BMERB1: variants seen among roughly 807,000 people sequenced by gnomAD.
BMERB1 encodes bMERB domain containing 1.
BMERB1 carries 12 observed loss-of-function variants against 23.6 expected under a neutral mutation model. The ratio of observed to expected loss-of-function variants is 0.51; its 90% confidence interval spans 0.33 to 0.82. The LOEUF (loss-of-function observed/expected upper bound fraction) is 0.82, where lower values mean the gene tolerates loss of function less well. Ranked by LOEUF, BMERB1 falls within the 40% of genes least tolerant of loss-of-function variation. The probability of loss-of-function intolerance (pLI) is 0.03; values close to 1 mark genes in which losing one functional copy is unlikely to be tolerated. For missense variants in BMERB1, 247 were observed against 255.4 expected (o/e 0.97, Z 0.22); for synonymous variants, 122 against 96.6 (o/e 1.26, Z -1.54).
chr16:15,519,074 TACACACACAC>T (rs145892599), intron 2 of BMERB1, among the ~76,000 whole-genome samples: 40 of 140,510 alleles, frequency 2.8e-4, no homozygotes, highest in African/African-American at 9.9e-4. Flanking sequence ...ACAATCCTCT[TACACACACAC>T]ACACACACAC....
intron 1 of BMERB1, among the ~76,000 whole-genome samples, chr16:15,487,677 C>T (rs910864605): frequency 6.6e-6 from 1 of 152,182 alleles, no homozygotes; most frequent in Non-Finnish European, 1.5e-5. Flanking sequence ...ACTCATAATG[C>T]TTAACAGTTT....
chr16:15,532,452 A>G (rs1240119901), intron 2 of BMERB1, among the ~76,000 whole-genome samples: 2 of 138,802 alleles, frequency 1.4e-5, no homozygotes, highest in East Asian at 2.1e-4. Flanking sequence ...CTGGTCTTGA[A>G]CTCCTGACCT....
intron 1 of BMERB1, among the ~76,000 whole-genome samples, chr16:15,439,616 T>G (rs908360045): frequency 2.0e-5 from 3 of 152,214 alleles, no homozygotes; most frequent in African/African-American, 7.2e-5. Context: ...TAGTATTTTC[T>G]CCTTTGAGAA....
rs189960596 is a variant in BMERB1, at chr16:15,488,593, G to A, written c.107-26712G>A. ...CCACATCTGTAATCCCAGCACTTTG[G>A]GAGGCCGAGGCGGGTGGATCACGAG... On this transcript the variant is annotated intron_variant, in intron 1 of 5. Transcript: ENST00000300006. Among the ~76,000 whole-genome samples the A allele has an allele frequency of 5.9e-5, 9 of 151,880 alleles. No homozygotes were observed. The East Asian group carries it at 1.7e-3, about 29-fold the overall frequency.
intron 1 of BMERB1, among the ~76,000 whole-genome samples, chr16:15,464,299 T>G (rs1598452952): frequency 7.7e-6 from 1 of 129,426 alleles, no homozygotes; most frequent in African/African-American, 3.0e-5. Flanking sequence ...GGCGACAGAG[T>G]GAGACTTCAT....
chr16:15,502,526 A>G (rs1382225965), intron 1 of BMERB1: 1 of 712,450 alleles, frequency 1.4e-6, no homozygotes, highest in South Asian at 1.6e-5. Flanking sequence ...TTCCCATTAC[A>G]TTCACGTTAT....
chr16:15,514,920 A>T (rs2051726970), intron 1 of BMERB1, among the ~76,000 whole-genome samples: 2 of 152,062 alleles, frequency 1.3e-5, no homozygotes, highest in African/African-American at 4.8e-5. Flanking sequence ...TCTACTAAAA[A>T]ATATACAACA....
In BMERB1 at chr16:15,585,820, C is replaced by G. The variant is rs546593577; in HGVS notation, c.503-897C>G. ...CTCCAGCCTGGGTGACAGAGCGAGA[C>G]TCCATCTCAAGAAAAGAAAAGAAAA... On this transcript the variant is annotated intron_variant, in intron 5 of 5. Transcript: ENST00000300006. Among the ~76,000 whole-genome samples the G allele has an allele frequency of 2.0e-5, 3 of 152,142 alleles. No homozygotes were observed. The South Asian group carries it at 6.2e-4, about 32-fold the overall frequency.
intron 2 of BMERB1, among the ~76,000 whole-genome samples, chr16:15,563,816 C>G (rs1206893304): frequency 6.6e-6 from 1 of 152,196 alleles, no homozygotes; most frequent in Non-Finnish European, 1.5e-5. Flanking sequence ...CAGGCCCCTC[C>G]TCCAACACTG....
At chr16:15,462,093 A>G (rs934842454) in intron 1 of BMERB1, among the ~76,000 whole-genome samples, 2 of 151,564 alleles carry the variant, frequency 1.3e-5, no homozygotes, top group Non-Finnish European at 2.9e-5. Flanking sequence ...TCCTACACAA[A>G]AATTGTTTTT....
intron 1 of BMERB1, among the ~76,000 whole-genome samples, chr16:15,475,702 G>A (rs75509682): frequency 1.3e-5 from 2 of 152,134 alleles, no homozygotes; most frequent in Non-Finnish European, 2.9e-5. Context: ...TCCTTCCACT[G>A]GGTGGGGGAT....
At chr16:15,510,679 C>T (rs921306649) in intron 1 of BMERB1, among the ~76,000 whole-genome samples, 8 of 151,956 alleles carry the variant, frequency 5.3e-5, no homozygotes, top group Non-Finnish European at 8.8e-5. Context: ...GGTAGCATCA[C>T]AGCACACAGT....
At chr16:15,566,867 T>C (rs1037709297) in intron 2 of BMERB1, among the ~76,000 whole-genome samples, 29 of 152,200 alleles carry the variant, frequency 1.9e-4, no homozygotes, top group African/African-American at 6.7e-4. Flanking sequence ...ATATATGATA[T>C]TATAAGCATA....
intron 1 of BMERB1, among the ~76,000 whole-genome samples, chr16:15,464,265 A>T (rs1880964348): frequency 6.8e-6 from 1 of 147,900 alleles, no homozygotes; most frequent in South Asian, 2.3e-4. Context: ...GTGAGCTGAG[A>T]TTGGTCCACT....
intron 1 of BMERB1, among the ~76,000 whole-genome samples, chr16:15,470,533 CTT>C (rs35036000): frequency 2.9e-4 from 42 of 146,490 alleles, no homozygotes; most frequent in South Asian, 2.2e-4. Flanking sequence ...TTCTTTCTTT[CTT>C]TTTTTTTTTT....
chr16:15,490,896 G>A (rs1453547073), intron 1 of BMERB1, among the ~76,000 whole-genome samples: 1 of 152,120 alleles, frequency 6.6e-6, no homozygotes, highest in African/African-American at 2.4e-5. Context: ...AGGCTGTGGT[G>A]CAGTGGCATG....
chr16:15,581,023 T>C (rs1431098742), intron 3 of BMERB1, among the ~76,000 whole-genome samples, 194 bp from the exon 4 acceptor site: 2 of 151,402 alleles, frequency 1.3e-5, no homozygotes, highest in African/African-American at 2.4e-5. Flanking sequence ...CCCGAGGTGG[T>C]GGCTGACAGC....
intron 2 of BMERB1, among the ~76,000 whole-genome samples, chr16:15,519,422 G>A (rs184534023): frequency 6.4e-4 from 97 of 152,104 alleles, no homozygotes; most frequent in Middle Eastern, 3.4e-3. Context: ...ACAGAGTCTC[G>A]CTCTGTCGCC....
intron 1 of BMERB1, among the ~76,000 whole-genome samples, chr16:15,444,965 C>T (rs987424590): frequency 6.6e-6 from 1 of 152,190 alleles, no homozygotes; most frequent in African/African-American, 2.4e-5. Context: ...GGCACAATCA[C>T]AGCTCTTGCA....
Sources: allele counts gnomAD v4.1 joint callset (sites outside exome capture counted in the v4.1 genomes callset), GRCh38; gene constraint gnomAD v4.1.1; transcripts MANE v1.5; gene names NCBI Gene and HGNC (gene_info 2026-07-23, HGNC 2026-07-21).